WDR27: variants seen among roughly 807,000 people sequenced by gnomAD.
The protein encoded by WDR27 is WD repeat domain 27.
WDR27 carries 100 observed loss-of-function variants against 114.4 expected under a neutral mutation model. That is an observed-to-expected ratio of 0.87 (90% CI 0.74 to 1.03). WDR27 has a LOEUF of 1.03. WDR27 is among the 50% of genes least tolerant of loss of function. The pLI is 0.00. For synonymous variants in WDR27, 449 were observed against 423.1 expected, an observed-to-expected ratio of 1.06 and a Z score of -0.75; for missense variants, 1,129 against 1,092.9, an observed-to-expected ratio of 1.03 and a Z score of -0.47.
intron 5 of WDR27, 74 bp from the exon 6 acceptor site, chr6:169,667,261 C>T (rs1828108242): frequency 2.2e-6 from 3 of 1,370,354 alleles, no homozygotes; most frequent in African/African-American, 1.5e-5. Flanking sequence ...GCTAACAGTA[C>T]TATTCACTAT....
intron 17 of WDR27, among the ~76,000 whole-genome samples, chr6:169,643,479 C>T (rs1283731679): frequency 6.6e-6 from 1 of 152,248 alleles, no homozygotes; most frequent in African/African-American, 2.4e-5. Context: ...GCCTCCAGGG[C>T]AACAGCCACG....
At position 169,571,274 on chromosome 6, in the gene WDR27, AT is replaced by A. The variant is rs1801380032; in HGVS notation, c.2645+1144del. ...CAGAAAAAAATTAAAAAAAAAATAAATAAAAAGATGACTCAATGAAGAATAC... is the reference window on the plus strand; with the variant it reads ...CAGAAAAAAATTAAAAAAAAAATAAAAAAAAGATGACTCAATGAAGAATAC... On this transcript the variant is annotated intron_variant, in intron 25 of 25. Transcript: ENST00000448612. Among the ~76,000 whole-genome samples, 16 of 152,082 alleles carry A rather than the reference AT, an allele frequency of 1.1e-4. No individual in the cohort carries two copies. The South Asian group carries it at 3.1e-3, about 30-fold the overall frequency.
At chr6:169,431,579 T>C in the WDR27 span, among the ~76,000 whole-genome samples, 2 of 152,364 alleles carry the variant, frequency 1.3e-5, no homozygotes, top group East Asian at 3.9e-4. Context: ...AGGGATTTTT[T>C]TCCCTGTTAA....
chr6:169,673,513 T>C (rs1004496635), intron 2 of WDR27, among the ~76,000 whole-genome samples: 1 of 151,680 alleles, frequency 6.6e-6, no homozygotes, highest in African/African-American at 2.4e-5. Flanking sequence ...AACTAGGTCG[T>C]TGAAGAATTA....
chr6:169,594,382 G>C (rs1806370901), intron 23 of WDR27, among the ~76,000 whole-genome samples: 1 of 152,168 alleles, frequency 6.6e-6, no homozygotes, highest in Admixed American at 6.5e-5. Context: ...TTGAAAATAA[G>C]ACACTTTCCT....
intron 25 of WDR27, among the ~76,000 whole-genome samples, chr6:169,563,271 C>T (rs535421637): frequency 3.8e-4 from 58 of 152,188 alleles, no homozygotes; most frequent in African/African-American, 1.4e-3. Flanking sequence ...CAGCCAGGGT[C>T]GGGGACAGAA....
At chr6:169,652,401 A>T (rs201309410) in intron 13 of WDR27, among the ~76,000 whole-genome samples, 1 of 152,232 alleles carries the variant, frequency 6.6e-6, no homozygotes, top group East Asian at 1.9e-4. Flanking sequence ...GGCACACGCC[A>T]CCACGCCTGG....
intron 2 of WDR27, among the ~76,000 whole-genome samples, chr6:169,685,843 T>C (rs1266520208): frequency 6.6e-6 from 1 of 152,150 alleles, no homozygotes; most frequent in Non-Finnish European, 1.5e-5. Flanking sequence ...GAAATCCAGG[T>C]TCAGGAAGCT....
intron 25 of WDR27, among the ~76,000 whole-genome samples, chr6:169,552,154 G>A (rs748604514): frequency 8.6e-5 from 13 of 152,030 alleles, no homozygotes; most frequent in African/African-American, 1.9e-4. Context: ...CATCCTGCTC[G>A]GGCCTGTGTT....
chr6:169,459,267 A>G, intron 25 of WDR27, among the ~76,000 whole-genome samples: 1 of 152,178 alleles, frequency 6.6e-6, no homozygotes, highest in Non-Finnish European at 1.5e-5. Context: ...AAGAGAACCT[A>G]AAACGAAACA....
At chr6:169,432,136 G>C in the WDR27 span, among the ~76,000 whole-genome samples, 3 of 151,876 alleles carry the variant, frequency 2.0e-5, no homozygotes, top group Non-Finnish European at 4.4e-5. Context: ...TAGCATTGCA[G>C]TGTTTCTCAA....
chr6:169,562,335 T>C (rs1327603649), intron 25 of WDR27, among the ~76,000 whole-genome samples: 1 of 152,170 alleles, frequency 6.6e-6, no homozygotes, highest in African/African-American at 2.4e-5. Context: ...TGGAAATCAA[T>C]AAGAGTTGAA....
intron 14 of WDR27, among the ~76,000 whole-genome samples, 182 bp downstream of exon 14, chr6:169,651,748 T>C (rs1822627721): frequency 6.6e-6 from 1 of 152,234 alleles, no homozygotes; most frequent in Admixed American, 6.5e-5. Context: ...CGTTTGCTGC[T>C]GCAGCTGCTG....
intron 2 of WDR27, among the ~76,000 whole-genome samples, chr6:169,688,043 A>G (rs895942959): frequency 3.3e-5 from 5 of 152,240 alleles, no homozygotes; most frequent in African/African-American, 9.6e-5. Context: ...TTACATAAGT[A>G]GAATGTAATT....
At chr6:169,576,179 T>G (rs1404006027) in intron 24 of WDR27, among the ~76,000 whole-genome samples, 2 of 152,250 alleles carry the variant, frequency 1.3e-5, no homozygotes, top group African/African-American at 4.8e-5. Context: ...TTTGGAAATA[T>G]TCCTTCTCTG....
chr6:169,602,287 C>T lies in WDR27; in HGVS notation c.2356G>A (p.Gly786Ser), dbSNP rs1217871157. 5.8e-6 allele frequency: 9 copies of T among 1,564,754 alleles called. No individual in the cohort carries two copies. The highest frequency in any genetic ancestry group is 5.6e-5 in the Admixed American group (3 of 53,316). ...CTGAAAGCGATTCCACATGGATAGCCGCGGGTTGGATGCCCTTCAAAGTGG... is the reference window on the plus strand; with the variant it reads ...CTGAAAGCGATTCCACATGGATAGCTGCGGGTTGGATGCCCTTCAAAGTGG... ...ERHFEGHPTRGYPCGIAFSPC... is the reference protein window; with the variant it reads ...ERHFEGHPTRSYPCGIAFSPC... The change falls in exon 23 of 26, where the codon GGC (glycine) becomes AGC (serine). Residue 786 changes from glycine to serine, a missense_variant. Gly to Ser is a moderately conservative substitution (Grantham distance 56). Transcript: ENST00000448612.
chr6:169,678,279 C>T (rs1036640095), intron 2 of WDR27, among the ~76,000 whole-genome samples: 7 of 152,192 alleles, frequency 4.6e-5, no homozygotes, highest in African/African-American at 7.2e-5. Context: ...GGGAGTCCAC[C>T]CCTTGTACCA....
rs770604761 is a variant in WDR27 at position 169,634,393 on chromosome 6, C to A, written c.2101+35G>T. The A allele has an allele frequency of 4.0e-6, 6 of 1,505,302 alleles. No individual in the cohort carries two copies. In the African/African-American group the frequency reaches 5.5e-5, roughly 14 times the overall value. The allele number at this position is 1,505,302 out of a possible 1,614,324, so 93.2% of individuals were successfully genotyped here. On this transcript the variant is annotated intron_variant, in intron 20 of 25. Coordinates refer to ENST00000448612, the MANE Select transcript of WDR27 (RefSeq NM_182552.5). Reference sequence around the variant, plus strand: ...TCTGCCAGAGGAACAACACTCAGGGCGTAAAACCCTACCAGGATCCGGGAG... The same window carrying A: ...TCTGCCAGAGGAACAACACTCAGGGAGTAAAACCCTACCAGGATCCGGGAG...
chr6:169,519,000 A>G (rs1794025037), intron 25 of WDR27, among the ~76,000 whole-genome samples: 1 of 152,210 alleles, frequency 6.6e-6, no homozygotes, highest in Non-Finnish European at 1.5e-5. Context: ...TCCCTAGGGC[A>G]CAAACAGAAT....
Sources: gnomAD v4.1 joint callset for allele counts (sites outside exome capture counted in the v4.1 genomes callset) on GRCh38, gnomAD v4.1.1 for gene constraint, MANE v1.5 for transcripts, NCBI Gene and HGNC (gene_info 2026-07-23, HGNC 2026-07-21) for gene names.